The following RNLS variants were observed in gnomAD, a reference collection of about 807,000 sequenced individuals.
RNLS encodes the protein renalase, FAD dependent amine oxidase.
In RNLS, 39 loss-of-function variants were observed where a neutral mutation model predicts 39.8. The ratio of observed to expected loss-of-function variants is 0.98; its 90% CI spans 0.76 to 1.28. The LOEUF (loss-of-function observed/expected upper bound fraction) is 1.28. Ranked by LOEUF, RNLS falls within the 50% of genes most tolerant of loss-of-function variation. The pLI is 0.00. For missense variants in RNLS, 410 were observed against 413.3 expected (o/e 0.99, Z 0.07); for synonymous variants, 147 against 150.7 (o/e 0.98, Z 0.18).
intron 4 of RNLS, among the ~76,000 whole-genome samples, chr10:88,412,086 C>G (rs1162826075): frequency 1.3e-5 from 2 of 151,988 alleles, no homozygotes; most frequent in African/African-American, 2.4e-5. Flanking sequence ...GTGATATGAT[C>G]AGATTTGCAT....
intron 5 of RNLS, among the ~76,000 whole-genome samples, chr10:88,327,882 C>T (rs370117362): frequency 6.6e-6 from 1 of 152,078 alleles, no homozygotes; most frequent in Non-Finnish European, 1.5e-5. Flanking sequence ...GGATTATAGG[C>T]GTGAGCCACT....
chr10:88,545,408 G>A (rs1056972401), intron 4 of RNLS: 1 of 454,920 alleles, frequency 2.2e-6, no homozygotes, highest in African/African-American at 2.0e-5. Flanking sequence ...TGCTGGAAAG[G>A]CCTCACAATC....
the RNLS span, among the ~76,000 whole-genome samples, chr10:88,265,653 G>C: frequency 1.3e-5 from 2 of 152,074 alleles, no homozygotes; most frequent in South Asian, 4.1e-4. Context: ...TTCGTAGCTT[G>C]GTCGCTGTTG....
At chr10:88,244,134 G>A in the RNLS span, among the ~76,000 whole-genome samples, 9 of 152,328 alleles carry the variant, frequency 5.9e-5, 1 homozygote, top group African/African-American at 2.2e-4. Flanking sequence ...AGTGGGGGTG[G>A]GGGTTCCTGG....
the RNLS span, among the ~76,000 whole-genome samples, chr10:88,193,635 G>A: frequency 6.6e-6 from 1 of 152,058 alleles, no homozygotes; most frequent in African/African-American, 2.4e-5. Context: ...TGCCTACCTA[G>A]TCTCCCTCCA....
At chr10:88,243,894 A>G in the RNLS span, among the ~76,000 whole-genome samples, 33 of 152,354 alleles carry the variant, frequency 2.2e-4, no homozygotes, top group African/African-American at 7.5e-4. Flanking sequence ...TATCTAAATC[A>G]GGAGTTGAGG....
chr10:88,228,412 T>C, the RNLS span, among the ~76,000 whole-genome samples: 1 of 152,200 alleles, frequency 6.6e-6, no homozygotes, highest in East Asian at 1.9e-4. Flanking sequence ...GGCACAGGCT[T>C]TTCCCTGCCT....
intron 4 of RNLS, among the ~76,000 whole-genome samples, chr10:88,455,037 C>T (rs1415514753): frequency 6.6e-6 from 1 of 152,068 alleles, no homozygotes; most frequent in Non-Finnish European, 1.5e-5. Flanking sequence ...TAAAAATAAA[C>T]AACATATGTT....
At chr10:88,183,313 C>T in the RNLS span, among the ~76,000 whole-genome samples, 1 of 152,120 alleles carries the variant, frequency 6.6e-6, no homozygotes, top group Admixed American at 6.6e-5. Context: ...TGAAATTGCT[C>T]TAATAGAATT....
intron 6 of RNLS, among the ~76,000 whole-genome samples, chr10:88,302,803 C>G (rs1402528896): frequency 1.3e-5 from 2 of 152,102 alleles, no homozygotes; most frequent in African/African-American, 4.8e-5. Flanking sequence ...ATGATATCAG[C>G]CACTACCTTC....
At position 88,285,390 on chromosome 10, in the gene RNLS, G is replaced by A; in HGVS notation, c.993C>T (p.Ala331=). 2 of 1,612,588 alleles carry A rather than the reference G, an allele frequency of 1.2e-6. No homozygotes were observed. Among genetic ancestry groups the A allele is most frequent in the Non-Finnish European group, 1.7e-6 (2 of 1,179,040 alleles). ...TCTTTAAAGCTTCCAGAACACATAG[G>A]GCAGAAGTGATGCAGCCATCAAAGT... The part of the protein sequence containing the change: ...QSNFDGCITS[A]LCVLEALKNY... The change falls in exon 7 of 7, where the codon GCC becomes GCT. Residue 331 remains alanine, a synonymous_variant. Transcript: ENST00000331772.
At chr10:88,343,738 A>G in intron 5 of RNLS, 1 of 985,366 alleles carries the variant, frequency 1.0e-6, no homozygotes, top group Non-Finnish European at 1.2e-6. Flanking sequence ...GACACCTCCC[A>G]AGCTTCATGA....
intron 4 of RNLS, among the ~76,000 whole-genome samples, chr10:88,568,131 C>G (rs1199435264): frequency 6.6e-6 from 1 of 152,130 alleles, no homozygotes; most frequent in African/African-American, 2.4e-5. Flanking sequence ...TGTGCAGATA[C>G]TGACAAAACA....
chr10:88,446,308 T>C (rs1485976727), intron 4 of RNLS, among the ~76,000 whole-genome samples: 2 of 152,156 alleles, frequency 1.3e-5, no homozygotes, highest in South Asian at 2.1e-4. Context: ...GGGACACATT[T>C]AAATCAGTGT....
At chr10:88,367,187 G>A (rs1176634159) in intron 4 of RNLS, among the ~76,000 whole-genome samples, 4 of 152,014 alleles carry the variant, frequency 2.6e-5, no homozygotes, top group African/African-American at 9.7e-5. Flanking sequence ...TCAAGAAACA[G>A]AGCATTACCA....
At chr10:88,497,699 T>C (rs568384742) in intron 4 of RNLS, among the ~76,000 whole-genome samples, 1 of 151,854 alleles carries the variant, frequency 6.6e-6, no homozygotes, top group Non-Finnish European at 1.5e-5. Flanking sequence ...GGAGAAAAAC[T>C]AGGACAAAGC....
At chr10:88,178,351 G>A in the RNLS span, among the ~76,000 whole-genome samples, 6 of 152,276 alleles carry the variant, frequency 3.9e-5, no homozygotes, top group South Asian at 4.1e-4. Flanking sequence ...CCTGGGGAGT[G>A]AGGGCGACCA....
the RNLS span, among the ~76,000 whole-genome samples, chr10:88,235,224 C>T: frequency 5.2e-5 from 7 of 135,774 alleles, no homozygotes; most frequent in Middle Eastern, 3.9e-3. Context: ...GCCGAGATTG[C>T]GCCACTGCAC....
chr10:88,432,487 G>A (rs1855192497), intron 4 of RNLS, among the ~76,000 whole-genome samples: 1 of 151,678 alleles, frequency 6.6e-6, no homozygotes, highest in South Asian at 2.1e-4. Context: ...TTAGGTTTAG[G>A]TCTATCACTA....
Sources: gnomAD v4.1 joint callset for allele counts (sites outside exome capture counted in the v4.1 genomes callset) on GRCh38, gnomAD v4.1.1 for gene constraint, MANE v1.5 for transcripts, NCBI Gene and HGNC (gene_info 2026-07-23, HGNC 2026-07-21) for gene names.